PHACTR2: variants seen among roughly 807,000 people sequenced by gnomAD.
The protein encoded by PHACTR2 is phosphatase and actin regulator 2.
In PHACTR2, 30 loss-of-function variants were observed where a neutral mutation model predicts 76.0. That is an observed-to-expected ratio of 0.39 (90% CI 0.30 to 0.54). The LOEUF (loss-of-function observed/expected upper bound fraction) is 0.54. Among genes scored for constraint, PHACTR2 ranks in the 20% least tolerant of loss-of-function variants. The probability of loss-of-function intolerance (pLI) is 0.61; values close to 1 mark genes in which losing one functional copy is unlikely to be tolerated. For missense variants in PHACTR2, 696 were observed against 781.1 expected (o/e 0.89, Z 1.30); for synonymous variants, 292 against 292.5 (o/e 1.00, Z 0.02).
At chr6:143,682,341 C>T (rs888212120) in intron 1 of PHACTR2, among the ~76,000 whole-genome samples, 1 of 152,196 alleles carries the variant, frequency 6.6e-6, no homozygotes, top group African/African-American at 2.4e-5. Context: ...CCTCAGCCTC[C>T]TGAGCAGCTG....
rs993323736 is a variant in PHACTR2, at chr6:143,819,386, G to A, written c.1923-4288G>A. Among the ~76,000 whole-genome samples, 2 of 152,164 alleles carry A rather than the reference G, an allele frequency of 1.3e-5. No homozygotes were observed. The highest frequency in any genetic ancestry group is 4.8e-5 in the African/African-American group (2 of 41,438). On this transcript the variant is annotated intron_variant, in intron 12 of 12. Coordinates refer to ENST00000440869, the MANE Select transcript of PHACTR2 (RefSeq NM_001100164.2). This position sits in a 1 kb window ranked among gnomAD's most constrained non-coding sequence, Gnocchi z 5.0. Reference sequence around the variant, plus strand: ...GATCCGATGGCCAAGAAAGGGGTCTGTATCTGTCTGAGTTCTCCAGAGAAA... The same window carrying A: ...GATCCGATGGCCAAGAAAGGGGTCTATATCTGTCTGAGTTCTCCAGAGAAA...
chr6:143,723,548 G>T (rs1778489750), intron 2 of PHACTR2, among the ~76,000 whole-genome samples: 1 of 152,116 alleles, frequency 6.6e-6, no homozygotes, highest in Non-Finnish European at 1.5e-5. Context: ...AATCCTCCTT[G>T]TCATCCATTC....
upstream of PHACTR2, among the ~76,000 whole-genome samples, chr6:143,673,339 T>G (rs2128451276): frequency 6.7e-6 from 1 of 150,002 alleles, no homozygotes; most frequent in South Asian, 2.1e-4. Flanking sequence ...TTTTTTTTTT[T>G]GTCCATACTT....
chr6:143,717,898 T>C (rs1279848324), intron 2 of PHACTR2, among the ~76,000 whole-genome samples: 1 of 152,132 alleles, frequency 6.6e-6, no homozygotes, highest in East Asian at 1.9e-4. Context: ...ATAAAAGAAA[T>C]TGAAGATTTT....
Position 143,639,507 on chromosome 6 carries a change from T to G in PHACTR2, c.13+31185T>G, listed in dbSNP as rs1256752172. ...CTTATGTAGATCACCTATTTTTACTTTTGGCATCTAGATGACATTTGGCCC... is the reference window on the plus strand; with the variant it reads ...CTTATGTAGATCACCTATTTTTACTGTTGGCATCTAGATGACATTTGGCCC... On this transcript the variant is annotated intron_variant, in intron 1 of 11. Coordinates refer to the PHACTR2 transcript ENST00000305766. This position sits in a 1 kb window ranked among gnomAD's most constrained non-coding sequence, Gnocchi z 5.0. 2.0e-5 allele frequency among the ~76,000 whole-genome samples: 3 copies of G among 152,176 alleles called. No homozygotes were observed. The highest frequency in any genetic ancestry group is 4.4e-5 in the Non-Finnish European group (3 of 68,024).
intron 1 of PHACTR2, among the ~76,000 whole-genome samples, chr6:143,564,200 T>C (rs1446753116): frequency 1.2e-5 from 1 of 83,878 alleles, no homozygotes; most frequent in Non-Finnish European, 2.6e-5. Context: ...TGTGTGCATA[T>C]ATATATATAT....
chr6:143,771,204 A>ATATG (rs1205111630), intron 6 of PHACTR2, among the ~76,000 whole-genome samples: 4 of 74,532 alleles, frequency 5.4e-5, no homozygotes, highest in East Asian at 1.2e-3. Context: ...GTATATATAT[A>ATATG]TATATATATA....
rs1779554018 is a variant in PHACTR2 at position 143,765,915 on chromosome 6, G to A, written c.1232+117G>A. Reference sequence around the variant, plus strand: ...TATAATTTAATCTACTGAGTGTTAGGTAGGCATACATGTGATCCAACCATT... The same window carrying A: ...TATAATTTAATCTACTGAGTGTTAGATAGGCATACATGTGATCCAACCATT... On this transcript the variant is annotated intron_variant, in intron 6 of 12. Coordinates refer to ENST00000440869, the MANE Select transcript of PHACTR2 (RefSeq NM_001100164.2). The surrounding 1 kb of genome is among the most constrained non-coding windows in gnomAD (Gnocchi z 4.1). 1.2e-6 allele frequency: 1 copy of A among 840,572 alleles called. No individual in the cohort carries two copies. Among genetic ancestry groups the A allele is most frequent in the African/African-American group, 1.7e-5 (1 of 58,540 alleles). The allele number at this position is 840,572 out of a possible 1,614,324, so 52.1% of individuals were successfully genotyped here.
At chr6:143,601,409 T>C (rs1348521529) in intron 1 of PHACTR2, among the ~76,000 whole-genome samples, 1 of 152,234 alleles carries the variant, frequency 6.6e-6, no homozygotes, top group East Asian at 1.9e-4. Flanking sequence ...CAGGCCAATG[T>C]TGAGCCTCCT....
At chr6:143,701,866 T>C (rs1777920856) in intron 1 of PHACTR2, among the ~76,000 whole-genome samples, 1 of 152,194 alleles carries the variant, frequency 6.6e-6, no homozygotes, top group African/African-American at 2.4e-5. Context: ...ACAAGACTGA[T>C]ACACTCAGCA....
intron 11 of PHACTR2, among the ~76,000 whole-genome samples, chr6:143,796,258 CT>C (rs775286564): frequency 1.3e-5 from 2 of 152,170 alleles, no homozygotes; most frequent in Non-Finnish European, 2.9e-5. Flanking sequence ...CAGAAATCCT[CT>C]CCACATCCCA....
rs1385638677 is a variant in PHACTR2 at position 143,807,237 on chromosome 6, G to A, written c.1922+104G>A. The stretch of plus-strand genomic sequence containing the variant: ...GCTTACAATGGTAAATTTTATGATA[G>A]GTATATTTCATCACAATTAAAAAAT... On this transcript the variant is annotated intron_variant, in intron 12 of 12. Coordinates refer to ENST00000440869, the MANE Select transcript of PHACTR2 (RefSeq NM_001100164.2). The surrounding 1 kb of genome is among the most constrained non-coding windows in gnomAD (Gnocchi z 5.5). 4.5e-6 allele frequency: 3 copies of A among 665,686 alleles called. No individual in the cohort carries two copies. In the East Asian group the frequency reaches 8.1e-5, roughly 18 times the overall value. 41.2% of individuals were successfully genotyped at this position (665,686 alleles called of 1,614,324 possible). A position where few individuals can be genotyped will look rare whatever the true frequency, so the allele number is the denominator to read the frequency against.
In PHACTR2 at chr6:143,700,700, C is replaced by T. The variant is rs966039151; in HGVS notation, c.47-11316C>T. On this transcript the variant is annotated intron_variant, in intron 1 of 12. Transcript: ENST00000440869. The surrounding 1 kb of genome is among the most constrained non-coding windows in gnomAD (Gnocchi z 4.1). ...CAGCATGAACAGGGTGATCATTATCCTATCATGGATGAGTTGAAATTCTTT... is the reference window on the plus strand; with the variant it reads ...CAGCATGAACAGGGTGATCATTATCTTATCATGGATGAGTTGAAATTCTTT... 3.6e-4 allele frequency among the ~76,000 whole-genome samples: 55 copies of T among 152,360 alleles called. No homozygotes were observed. The highest frequency in any genetic ancestry group is 1.3e-3 in the African/African-American group (53 of 41,582).
chr6:143,619,409 G>A lies in PHACTR2; in HGVS notation c.13+11087G>A, dbSNP rs759645217. Among the ~76,000 whole-genome samples the A allele has an allele frequency of 6.6e-6, 1 of 152,334 alleles. No homozygotes were observed. Among genetic ancestry groups the A allele is most frequent in the South Asian group, 2.1e-4 (1 of 4,830 alleles). On this transcript the variant is annotated intron_variant, in intron 1 of 11. Coordinates refer to the PHACTR2 transcript ENST00000305766. The surrounding 1 kb of genome is among the most constrained non-coding windows in gnomAD (Gnocchi z 4.5). ...AGACAAAATAGGTTTCTACTGTTTCGTGTGCTATTAAGATACTTGCTTATT... is the reference window on the plus strand; with the variant it reads ...AGACAAAATAGGTTTCTACTGTTTCATGTGCTATTAAGATACTTGCTTATT...
Position 143,611,115 on chromosome 6 carries a change from T to A in PHACTR2, c.13+2793T>A, listed in dbSNP as rs1383824285. Among the ~76,000 whole-genome samples, 1 of 152,104 alleles carries A rather than the reference T, an allele frequency of 6.6e-6. No individual in the cohort carries two copies. Among genetic ancestry groups the A allele is most frequent in the Non-Finnish European group, 1.5e-5 (1 of 68,016 alleles). On this transcript the variant is annotated intron_variant, in intron 1 of 11. Coordinates refer to the PHACTR2 transcript ENST00000305766. The surrounding 1 kb of genome is among the most constrained non-coding windows in gnomAD (Gnocchi z 4.4). ...GTGTGTTTTTTATCTGAAACACAAT[T>A]TTTGAAATGTAATCCCATATTCTAC...
In PHACTR2 at chr6:143,652,624, G is replaced by A. The variant is rs959213714; in HGVS notation, c.13+44302G>A. On this transcript the variant is annotated intron_variant, in intron 1 of 11. Coordinates refer to the PHACTR2 transcript ENST00000305766. This position sits in a 1 kb window ranked among gnomAD's most constrained non-coding sequence, Gnocchi z 4.5. The stretch of plus-strand genomic sequence containing the variant: ...ATCTTATTAAAAAGCTCAGGGTTTC[G>A]GGAATCCGACTGTTCTGCAAATGCC... Among the ~76,000 whole-genome samples the A allele has an allele frequency of 6.6e-6, 1 of 152,166 alleles. No individual in the cohort carries two copies. Among genetic ancestry groups the A allele is most frequent in the Non-Finnish European group, 1.5e-5 (1 of 68,040 alleles).
chr6:143,549,096 G>A lies in PHACTR2; in HGVS notation c.217+11889G>A, dbSNP rs185206865. On this transcript the variant is annotated intron_variant, in intron 1 of 11. Transcript: ENST00000367584. The surrounding 1 kb of genome is among the most constrained non-coding windows in gnomAD (Gnocchi z 4.2). ...CATGGTGCCTGATCTCCTCCCCAGC[G>A]AACATGCCAGTCTGTAGGGTGCACA... Among the ~76,000 whole-genome samples, 6 of 152,022 alleles carry A rather than the reference G, an allele frequency of 3.9e-5. No homozygotes were observed. The highest frequency in any genetic ancestry group is 2.1e-4 in the South Asian group (1 of 4,820).
rs140076333 is a variant in PHACTR2, at chr6:143,647,416, A to G, written c.13+39094A>G. Among the ~76,000 whole-genome samples the G allele has an allele frequency of 3.3e-3, 510 of 152,352 alleles. 6 individuals are homozygous for G. Among genetic ancestry groups the G allele is most frequent in the Middle Eastern group, 0.01 (3 of 294 alleles). On this transcript the variant is annotated intron_variant, in intron 1 of 11. Transcript: ENST00000305766. The surrounding 1 kb of genome is among the most constrained non-coding windows in gnomAD (Gnocchi z 4.2). ...CTGCAGTAAATGGAAACCATTTCAC[A>G]TGTGTTTATTCATTCACACCTACAG... is the stretch of plus-strand genomic sequence containing the variant.
intron 1 of PHACTR2, among the ~76,000 whole-genome samples, chr6:143,568,602 C>T (rs183730374): frequency 6.6e-6 from 1 of 152,302 alleles, no homozygotes; most frequent in African/African-American, 2.4e-5. Flanking sequence ...ATCCAGAAAG[C>T]AATCAGTAAT....
Sources: allele counts gnomAD v4.1 joint callset (sites outside exome capture counted in the v4.1 genomes callset), GRCh38; gene constraint gnomAD v4.1.1; non-coding constraint Gnocchi (gnomAD v3.1); transcripts MANE v1.5; gene names NCBI Gene and HGNC (gene_info 2026-07-23, HGNC 2026-07-21).